PSD: variants seen among roughly 807,000 people sequenced by gnomAD.
PSD encodes pleckstrin and Sec7 domain containing.
PSD carries 32 observed loss-of-function variants against 91.6 expected under a neutral mutation model. The observed-to-expected ratio is 0.35, with a 90% CI of 0.26 to 0.47. The LOEUF (loss-of-function observed/expected upper bound fraction) is 0.47, where lower values mean the gene tolerates loss of function less well. Among genes scored for constraint, PSD ranks in the 20% least tolerant of loss-of-function variants. The pLI is 1.00. For missense variants in PSD, 1,099 were observed against 1,373.9 expected, an observed-to-expected ratio of 0.80 and a Z score of 3.16; for synonymous variants, 532 against 569.3, an observed-to-expected ratio of 0.93 and a Z score of 0.93.
intron 1 of PSD, 113 bp downstream of exon 1, chr10:102,418,588 A>C (rs112051003): frequency 1.2e-4 from 46 of 394,608 alleles, no homozygotes; most frequent in African/African-American, 8.8e-4. Flanking sequence ...GTGGCAATGC[A>C]GGGGAGGGGC....
At position 102,416,937 on chromosome 10, in the gene PSD, G is replaced by C. The variant is rs766578430; in HGVS notation, c.102C>G (p.Ser34Arg). Residue 34 changes from serine (S) to arginine (R), a missense_variant, in exon 2 of 17, where the codon AGC (serine) becomes AGG (arginine). Ser to Arg is a moderately radical substitution (Grantham distance 110). This residue lies in a region of PSD where 631 missense variants were observed against 728.8 expected (regional missense o/e 0.87). Coordinates refer to ENST00000020673, the MANE Select transcript of PSD (RefSeq NM_002779.5). The surrounding 1 kb of genome is among the most constrained non-coding windows in gnomAD (Gnocchi z 6.0). The stretch of plus-strand genomic sequence containing the variant: ...TGCTGCCATACATGCTGGCTGGGGG[G>C]CTCTGGGGCACCGGGCCTTCGGGGA... ...RWLPEGPVPQSPPASMYGSTG... is the reference protein window; with the variant it reads ...RWLPEGPVPQRPPASMYGSTG... 6.2e-7 allele frequency: 1 copy of C among 1,604,326 alleles called. No homozygotes were observed. Among genetic ancestry groups the C allele is most frequent in the South Asian group, 1.1e-5 (1 of 90,904 alleles).
At position 102,415,004 on chromosome 10, in the gene PSD, G is replaced by C; in HGVS notation, c.983C>G (p.Ala328Gly). ...QPSSEGPPGT[A>G]YPPAPRPGPL... ...GCCGGGCCGTGGGGCAGGTGGGTAG[G>C]CAGTGCCTGGTGGGCCCTCAGAGCT... is the stretch of plus-strand genomic sequence containing the variant. The change falls in exon 4 of 17, where the codon GCC (alanine) becomes GGC (glycine). Residue 328 changes from alanine to glycine, a missense_variant. Physicochemically the swap from Ala to Gly is moderately conservative, Grantham distance 60. Transcript: ENST00000020673. 6.2e-7 allele frequency: 1 copy of C among 1,608,170 alleles called. No individual in the cohort carries two copies.
Position 102,410,751 on chromosome 10 carries a change from G to A in PSD, c.2091+107C>T. 1 of 895,054 alleles carries A rather than the reference G, an allele frequency of 1.1e-6. No homozygotes were observed. The highest frequency in any genetic ancestry group is 2.4e-5 in the East Asian group (1 of 41,124). 55.4% of individuals were successfully genotyped at this position (895,054 alleles called of 1,614,324 possible). On this transcript the variant is annotated intron_variant, in intron 10 of 16. Coordinates refer to ENST00000020673, the MANE Select transcript of PSD (RefSeq NM_002779.5). The surrounding 1 kb of genome is among the most constrained non-coding windows in gnomAD (Gnocchi z 6.0). ...GCCCGGGCTTCCGTGGCAGGAGCCGGGGGTCGGCAAGCCCCAGCCCTGCCC... is the reference window on the plus strand; with the variant it reads ...GCCCGGGCTTCCGTGGCAGGAGCCGAGGGTCGGCAAGCCCCAGCCCTGCCC...
rs371298142 is a variant in PSD, at chr10:102,410,559, G to A, written c.2091+299C>T. Among the ~76,000 whole-genome samples, 2 of 152,346 alleles carry A rather than the reference G, an allele frequency of 1.3e-5. No individual in the cohort carries two copies. The highest frequency in any genetic ancestry group is 3.9e-4 in the East Asian group (2 of 5,182). On this transcript the variant is annotated intron_variant, in intron 10 of 16. Coordinates refer to ENST00000020673, the MANE Select transcript of PSD (RefSeq NM_002779.5). The surrounding 1 kb of genome is among the most constrained non-coding windows in gnomAD (Gnocchi z 6.0). ...TTCCACCCCAGCGCACACTGGAGGA[G>A]GGGAACTGAAGGCAAACGCAGGGGC...
intron 11 of PSD, among the ~76,000 whole-genome samples, chr10:102,406,508 C>CTTTTTTTT (rs1192531225): frequency 7.1e-6 from 1 of 140,100 alleles, no homozygotes; most frequent in African/African-American, 2.7e-5. Context: ...TTTCTTTTTT[C>CTTTTTTTT]TTTTTTTTTT....
chr10:102,410,867 C>T lies in PSD; in HGVS notation c.2082G>A (p.Glu694=), dbSNP rs761041044. Residue 694 remains glutamate, a synonymous_variant, in exon 10 of 17, where the codon GAG becomes GAA. Coordinates refer to ENST00000020673, the MANE Select transcript of PSD (RefSeq NM_002779.5). The surrounding 1 kb of genome is among the most constrained non-coding windows in gnomAD (Gnocchi z 6.0). ...GLNDGGDFPR[E]LLKALYSSIK... is the part of the protein sequence containing the mutation. ...CTGCCCCGCCCCCCACCTTGAGCAG[C>T]TCCCTAGGGAAGTCGCCGCCATCAT... 4 of 1,613,136 alleles carry T rather than the reference C, an allele frequency of 2.5e-6. No individual in the cohort carries two copies. Among genetic ancestry groups the T allele is most frequent in the Admixed American group, 3.3e-5 (2 of 60,022 alleles).
chr10:102,407,124 C>G (rs915273861), intron 11 of PSD, 99 bp downstream of exon 11: 12 of 1,137,512 alleles, frequency 1.1e-5, no homozygotes, highest in Non-Finnish European at 1.3e-5. Flanking sequence ...ACTCCCCTCC[C>G]CTACCCCCAC....
Position 102,414,321 on chromosome 10 carries a change from A to C in PSD, c.1125-124T>G, listed in dbSNP as rs1253265591. On this transcript the variant is annotated intron_variant, in intron 4 of 16. Coordinates refer to ENST00000020673, the MANE Select transcript of PSD (RefSeq NM_002779.5). The surrounding 1 kb of genome is among the most constrained non-coding windows in gnomAD (Gnocchi z 5.6). Reference sequence around the variant, plus strand: ...ATCCCCTTTTCACTGGCTCCAGCCCACTAACAAAAAAGAGCCTCTAGGGTA... The same window carrying C: ...ATCCCCTTTTCACTGGCTCCAGCCCCCTAACAAAAAAGAGCCTCTAGGGTA... The C allele has an allele frequency of 9.9e-7, 1 of 1,006,406 alleles. No homozygotes were observed. The highest frequency in any genetic ancestry group is 1.6e-5 in the African/African-American group (1 of 61,084). The allele number at this position is 1,006,406 out of a possible 1,614,324, so 62.3% of individuals were successfully genotyped here.
chr10:102,419,079 G>T (rs2061524024), upstream of PSD: 1 of 316,134 alleles, frequency 3.2e-6, no homozygotes, highest in African/African-American at 2.2e-5. The surrounding 1 kb of genome is among the most constrained non-coding windows in gnomAD (Gnocchi z 4.8). Context: ...AGGCCCGGCT[G>T]CACACGCGTG....
intron 3 of PSD, 98 bp from the exon 4 acceptor site, chr10:102,415,327 G>GGC: frequency 1.4e-6 from 2 of 1,398,388 alleles, no homozygotes; most frequent in East Asian, 2.4e-5. Flanking sequence ...CATATTGACA[G>GGC]GAAGTTCTTT....
intron 5 of PSD, among the ~76,000 whole-genome samples, chr10:102,412,891 C>G (rs1275559314): frequency 6.6e-6 from 1 of 152,178 alleles, no homozygotes; most frequent in African/African-American, 2.4e-5. Context: ...CACCCTGGCC[C>G]TACACAGAAC....
chr10:102,407,591 CCTG>C (rs1467066497), intron 10 of PSD, among the ~76,000 whole-genome samples: 1 of 152,122 alleles, frequency 6.6e-6, no homozygotes, highest in African/African-American at 2.4e-5. Flanking sequence ...AAGGGGCTGT[CCTG>C]CTCAGATCCT....
chr10:102,414,135 G>A lies in PSD; in HGVS notation c.1187C>T (p.Ala396Val), dbSNP rs761374196. Residue 396 changes from alanine (A) to valine (V), a missense_variant, in exon 5 of 17, where the codon GCT becomes GTT. This residue lies in a region of PSD where 631 missense variants were observed against 728.8 expected (regional missense o/e 0.87). Transcript: ENST00000020673. This position sits in a 1 kb window ranked among gnomAD's most constrained non-coding sequence, Gnocchi z 5.6. ...ACAACTGAAAGAGTCAGGCCCATCAGCCGAGGGGCTCGTCCCAGGTAGAAA... is the reference window on the plus strand; with the variant it reads ...ACAACTGAAAGAGTCAGGCCCATCAACCGAGGGGCTCGTCCCAGGTAGAAA... ...VPFLPGTSPSADGPDSFSCVF... is the reference protein window; with the variant it reads ...VPFLPGTSPSVDGPDSFSCVF... The A allele has an allele frequency of 6.2e-7, 1 of 1,613,926 alleles. No individual in the cohort carries two copies. The highest frequency in any genetic ancestry group is 1.7e-5 in the Admixed American group (1 of 59,992).
In PSD at chr10:102,403,771, GT is replaced by G; in HGVS notation, c.2844+70del. On this transcript the variant is annotated intron_variant, in intron 16 of 16. Transcript: ENST00000020673. The surrounding 1 kb of genome is among the most constrained non-coding windows in gnomAD (Gnocchi z 6.7). ...CCAAGGACCTCCGGCCGGTTCCACTGTTAGAGTTCATGCCCTTCACCCTAGT... is the reference window on the plus strand; with the variant it reads ...CCAAGGACCTCCGGCCGGTTCCACTGTAGAGTTCATGCCCTTCACCCTAGT... 1 of 1,533,510 alleles carries G rather than the reference GT, an allele frequency of 6.5e-7. No individual in the cohort carries two copies. The highest frequency in any genetic ancestry group is 1.4e-5 in the African/African-American group (1 of 73,326). The allele number at this position is 1,533,510 out of a possible 1,614,324, so 95.0% of individuals were successfully genotyped here. A position where few individuals can be genotyped will look rare whatever the true frequency, so the allele number is the denominator to read the frequency against.
chr10:102,407,676 G>A (rs555019101), intron 10 of PSD, among the ~76,000 whole-genome samples: 12 of 152,188 alleles, frequency 7.9e-5, no homozygotes, highest in South Asian at 4.2e-4. Context: ...CCAACCACGC[G>A]CTCTGGCCTG....
rs1046145190 is a variant in PSD at position 102,418,736 on chromosome 10, G to A, written c.-119C>T. 2 of 455,774 alleles carry A rather than the reference G, an allele frequency of 4.4e-6. No individual in the cohort carries two copies. Among genetic ancestry groups the A allele is most frequent in the African/African-American group, 4.0e-5 (2 of 50,026 alleles). The allele number at this position is 455,774 out of a possible 1,614,324, so 28.2% of individuals were successfully genotyped here. A position where few individuals can be genotyped will look rare whatever the true frequency, so the allele number is the denominator to read the frequency against. On this transcript the variant is annotated 5_prime_UTR_variant, in exon 1 of 17. Coordinates refer to ENST00000020673, the MANE Select transcript of PSD (RefSeq NM_002779.5). ...CCAGAGCTGAGACCGAGGAGAGACAGAGGAGAGGCTGGGCCCAGCTGAGCT... is the reference window on the plus strand; with the variant it reads ...CCAGAGCTGAGACCGAGGAGAGACAAAGGAGAGGCTGGGCCCAGCTGAGCT...
At position 102,416,974 on chromosome 10, in the gene PSD, G is replaced by A. The variant is rs895573823; in HGVS notation, c.65C>T (p.Pro22Leu). 1 of 1,600,152 alleles carries A rather than the reference G, an allele frequency of 6.2e-7. No individual in the cohort carries two copies. The highest frequency in any genetic ancestry group is 1.3e-5 in the African/African-American group (1 of 74,826). The change falls in exon 2 of 17, where the codon CCA (proline) becomes CTA (leucine). Residue 22 changes from proline to leucine, a missense_variant. Transcript: ENST00000020673. This position sits in a 1 kb window ranked among gnomAD's most constrained non-coding sequence, Gnocchi z 6.0. ...CGGGCCTTCGGGGAGCCAGCGGCGT[G>A]GGCATCGTGGTGGGGAGATGGCACA... ...GDCAISPPRC[P>L]RRWLPEGPVP...
intron 8 of PSD, among the ~76,000 whole-genome samples, chr10:102,411,360 C>T (rs998432077): frequency 6.6e-6 from 1 of 152,190 alleles, no homozygotes; most frequent in African/African-American, 2.4e-5. Flanking sequence ...CCAACGTTCC[C>T]TTGCCTCTAA....
upstream of PSD, chr10:102,419,333 G>C (rs1199490209): frequency 3.3e-5 from 5 of 153,144 alleles, no homozygotes; most frequent in African/African-American, 1.2e-4. The surrounding 1 kb of genome is among the most constrained non-coding windows in gnomAD (Gnocchi z 4.8). Flanking sequence ...ACCCTCCCAG[G>C]ATGCAGCAGG....
Sources: gnomAD v4.1 joint callset for allele counts (sites outside exome capture counted in the v4.1 genomes callset) on GRCh38, gnomAD v4.1.1 for gene constraint, gnomAD v4.1.1 regional missense constraint, Gnocchi (gnomAD v3.1) non-coding constraint, MANE v1.5 for transcripts, NCBI Gene and HGNC (gene_info 2026-07-23, HGNC 2026-07-21) for gene names.